The following MID1 variants were observed in gnomAD, a reference collection of about 807,000 sequenced individuals.
The protein encoded by MID1 is E3 ubiquitin-protein ligase Midline-1.
Under a neutral mutation model 40.4 loss-of-function variants are expected in MID1, and 7 were observed. That is an observed-to-expected ratio of 0.17 (90% confidence interval 0.10 to 0.33). The LOEUF is 0.33. MID1 is among the 10% of genes least tolerant of loss of function. The pLI is 1.00. For synonymous variants in MID1, 229 were observed against 221.2 expected, an observed-to-expected ratio of 1.04 and a Z score of -0.31; for missense variants, 367 against 558.5, an observed-to-expected ratio of 0.66 and a Z score of 3.46.
intron 1 of MID1, among the ~76,000 whole-genome samples, chrX:10,827,698 T>C (rs1374632565): frequency 9.0e-6 from 1 of 111,526 alleles, no homozygotes; most frequent in Non-Finnish European, 1.9e-5. Context: ...GACAACTGCA[T>C]TCTCTTGTAG....
intron 3 of MID1, among the ~76,000 whole-genome samples, chrX:10,496,264 T>G (rs1014417778): frequency 8.9e-6 from 1 of 112,303 alleles, no homozygotes; most frequent in South Asian, 3.7e-4. Flanking sequence ...ATTAATCTTA[T>G]GACATAATTT....
rs760724673 is a variant in MID1, at chrX:10,561,480, G to A, written c.660+5408C>T. Reference sequence around the variant, plus strand: ...TTACAATCTACCCATCTGACAAAGGGCTAATATCCAGAATCTACAAAGAAC... The same window carrying A: ...TTACAATCTACCCATCTGACAAAGGACTAATATCCAGAATCTACAAAGAAC... On this transcript the variant is annotated intron_variant, in intron 2 of 9. Coordinates refer to ENST00000317552, the MANE Select transcript of MID1 (RefSeq NM_000381.4). Among the ~76,000 whole-genome samples the A allele has an allele frequency of 3.7e-5, 4 of 106,719 alleles. 1 individual carries two copies. The Admixed American group carries it at 3.9e-4, about 10-fold the overall frequency. The allele number at this position is 106,719 out of a possible 115,157, so 92.7% of individuals were successfully genotyped here. A position where few individuals can be genotyped will look rare whatever the true frequency, so the allele number is the denominator to read the frequency against.
At chrX:10,506,402 A>G in intron 3 of MID1, 2 of 1,016,315 alleles carry the variant, frequency 2.0e-6, no homozygotes, top group South Asian at 2.1e-5. Context: ...CGAAGCCAGT[A>G]AAGTGTGACT....
intron 1 of MID1, among the ~76,000 whole-genome samples, chrX:10,766,977 C>T (rs191302840): frequency 1.1e-4 from 12 of 109,824 alleles, no homozygotes; most frequent in East Asian, 5.7e-4. Context: ...GACACAGTGA[C>T]GCTAAAACGA....
At chrX:10,655,934 A>G (rs930318529) in intron 1 of MID1, among the ~76,000 whole-genome samples, 1 of 110,766 alleles carries the variant, frequency 9.0e-6, no homozygotes, top group African/African-American at 3.3e-5. Flanking sequence ...AGCCAAGCAG[A>G]AGAATTGCCC....
At chrX:10,526,320 CAA>C (rs1166080012) in intron 2 of MID1, among the ~76,000 whole-genome samples, 1 of 108,888 alleles carries the variant, frequency 9.2e-6, no homozygotes, top group East Asian at 2.8e-4. Flanking sequence ...CAACAAAAGC[CAA>C]AGTTTTTTTT....
At chrX:10,494,399 TATGA>T (rs1931118243) in intron 4 of MID1, among the ~76,000 whole-genome samples, 1 of 111,662 alleles carries the variant, frequency 9.0e-6, no homozygotes, top group Non-Finnish European at 1.9e-5. Flanking sequence ...AAAGTACAAC[TATGA>T]ACAATAATAA....
At chrX:10,495,085 GTATATGA>G (rs1478468646) in intron 4 of MID1, among the ~76,000 whole-genome samples, 1 of 111,808 alleles carries the variant, frequency 8.9e-6, no homozygotes, top group Non-Finnish European at 1.9e-5. Context: ...CCACAAAGGA[GTATATGA>G]TATAGTGAAA....
intron 1 of MID1, among the ~76,000 whole-genome samples, chrX:10,596,540 A>G (rs1422028039): frequency 8.9e-6 from 1 of 112,121 alleles, no homozygotes; most frequent in Non-Finnish European, 1.9e-5. Context: ...TGTCCACCCC[A>G]TTAATTATAA....
At chrX:10,732,988 C>T (rs369114021) in intron 1 of MID1, among the ~76,000 whole-genome samples, 3 of 109,184 alleles carry the variant, frequency 2.7e-5, no homozygotes, top group Non-Finnish European at 5.7e-5. Context: ...CTCAGCCTCC[C>T]GAGTAGCTGG....
intron 2 of MID1, among the ~76,000 whole-genome samples, chrX:10,558,890 C>T (rs182000365): frequency 4.5e-5 from 5 of 112,269 alleles, no homozygotes; most frequent in South Asian, 7.4e-4. Context: ...GTGCATTTTT[C>T]GAACTCTCTG....
At chrX:10,640,902 C>G (rs1936185746) in intron 1 of MID1, among the ~76,000 whole-genome samples, 1 of 112,001 alleles carries the variant, frequency 8.9e-6, no homozygotes, top group African/African-American at 3.3e-5. Context: ...GAACAACCTG[C>G]TCCTGAATGA....
At chrX:10,625,841 T>A (rs1935989924) in intron 1 of MID1, among the ~76,000 whole-genome samples, 1 of 111,617 alleles carries the variant, frequency 9.0e-6, no homozygotes, top group Admixed American at 9.6e-5. Context: ...GAAAGATAAG[T>A]CAATGGGACC....
intron 1 of MID1, among the ~76,000 whole-genome samples, chrX:10,609,894 A>T (rs1935704650): frequency 9.2e-6 from 1 of 109,253 alleles, no homozygotes. Context: ...ATTTTTTTGT[A>T]TTTTTAGTAG....
intron 1 of MID1, among the ~76,000 whole-genome samples, chrX:10,583,243 A>G (rs1272434365): frequency 8.9e-6 from 1 of 112,378 alleles, no homozygotes; most frequent in East Asian, 2.8e-4. Flanking sequence ...GTTTTTAAAA[A>G]CACAAACATT....
Position 10,582,927 on chromosome X carries a change from TA to T in MID1, c.-56-15325del, listed in dbSNP as rs1255730421. On this transcript the variant is annotated intron_variant, in intron 1 of 9. Coordinates refer to ENST00000317552, the MANE Select transcript of MID1 (RefSeq NM_000381.4). ...GAAGCATTCTATAATTTTTTATTATTAAAAAATATTAATAAAATAAGAGTTT... is the reference window on the plus strand; with the variant it reads ...GAAGCATTCTATAATTTTTTATTATTAAAAATATTAATAAAATAAGAGTTT... The T allele has an allele frequency of 3.6e-5, 4 of 112,232 alleles. No homozygotes were observed. The East Asian group carries it at 1.1e-3, about 31-fold the overall frequency. 9.2% of individuals were successfully genotyped at this position (112,232 alleles called of 1,213,427 possible).
chrX:10,802,855 T>C (rs140538398), intron 1 of MID1, among the ~76,000 whole-genome samples: 1,878 of 111,988 alleles, frequency 0.017, 45 homozygotes, highest in African/African-American at 0.058. Context: ...ATAAAAAGAA[T>C]GGAATTATGT....
At chrX:10,459,248 AAG>A (rs1039218790) in intron 8 of MID1, among the ~76,000 whole-genome samples, 1 of 112,005 alleles carries the variant, frequency 8.9e-6, no homozygotes, top group African/African-American at 3.3e-5. Flanking sequence ...TCTAGAATAA[AAG>A]AATTTCTGAA....
At chrX:10,469,868 G>A (rs2147280667) in intron 6 of MID1, 28 bp from the exon 7 acceptor site, 7 of 1,186,742 alleles carry the variant, frequency 5.9e-6, no homozygotes, top group Non-Finnish European at 8.0e-6. Context: ...GCTTATCAGT[G>A]GAAAAGCACA....
Sources: gnomAD v4.1 joint callset for allele counts (sites outside exome capture counted in the v4.1 genomes callset) on GRCh38, gnomAD v4.1.1 for gene constraint, MANE v1.5 for transcripts, NCBI Gene and HGNC (gene_info 2026-07-23, HGNC 2026-07-21) for gene names.